SEL1L3: variants seen among roughly 807,000 people sequenced by gnomAD.
SEL1L3 encodes protein sel-1 homolog 3.
In SEL1L3, 76 loss-of-function variants were observed where a neutral mutation model predicts 142.8. The observed-to-expected ratio is 0.53, with a 90% CI of 0.44 to 0.64. SEL1L3 has a LOEUF of 0.64. SEL1L3 is among the 30% of genes least tolerant of loss of function. The pLI is 0.00. For missense variants in SEL1L3, 1,262 were observed against 1,381.7 expected (o/e 0.91, Z 1.37); for synonymous variants, 504 against 519.6 (o/e 0.97, Z 0.41).
chr4:25,789,353 G>A (rs1429867398), intron 12 of SEL1L3, among the ~76,000 whole-genome samples: 1 of 152,108 alleles, frequency 6.6e-6, no homozygotes, highest in Non-Finnish European at 1.5e-5. Flanking sequence ...GCATAAGCAG[G>A]AGAATTGCTT....
intron 20 of SEL1L3, among the ~76,000 whole-genome samples, chr4:25,763,624 G>A (rs1718526332): frequency 6.6e-6 from 1 of 152,180 alleles, no homozygotes. Flanking sequence ...AAGGTGGGCA[G>A]ATCACTTGAG....
chr4:25,772,842 G>C (rs1719325435), intron 17 of SEL1L3, among the ~76,000 whole-genome samples: 1 of 152,004 alleles, frequency 6.6e-6, no homozygotes, highest in African/African-American at 2.4e-5. Flanking sequence ...CTGTTGCCCA[G>C]GCTGGAATGC....
At chr4:25,800,744 A>G (rs1420728537) in intron 11 of SEL1L3, among the ~76,000 whole-genome samples, 1 of 152,234 alleles carries the variant, frequency 6.6e-6, no homozygotes. Context: ...ATACATGTAT[A>G]AATTATAAGG....
downstream of SEL1L3, among the ~76,000 whole-genome samples, chr4:25,743,113 C>G (rs1486763351): frequency 6.6e-6 from 1 of 152,210 alleles, no homozygotes; most frequent in African/African-American, 2.4e-5. Flanking sequence ...AAGGGCAGAC[C>G]TAGTCAGCCT....
chr4:25,765,083 T>G (rs1355803782), intron 20 of SEL1L3, among the ~76,000 whole-genome samples: 1 of 152,078 alleles, frequency 6.6e-6, no homozygotes, highest in African/African-American at 2.4e-5. Flanking sequence ...CAGCCTTGAC[T>G]TGACAGACTC....
rs1160713246 is a variant in SEL1L3, at chr4:25,847,447, A to C, written c.580T>G (p.Leu194Val). ...RDWNVKWEENLLHAVAKNYTL... is the reference protein window; with the variant it reads ...RDWNVKWEENVLHAVAKNYTL... ...TAATTCTTTGCTACAGCATGGAGCA[A>C]GTTTTCCTCCCATTTAACATTCCAG... The change falls in exon 2 of 24, where the codon TTG (leucine) becomes GTG (valine). Residue 194 changes from leucine to valine, a missense_variant. Leu to Val is a conservative substitution (Grantham distance 32). Around this residue, in one of 3 missense-constraint regions of SEL1L3, gnomAD observed 689 missense variants for 692.8 expected, o/e 0.99. Coordinates refer to ENST00000399878, the MANE Select transcript of SEL1L3 (RefSeq NM_015187.5). The C allele has an allele frequency of 1.7e-5, 27 of 1,614,030 alleles. No individual in the cohort carries two copies. Among genetic ancestry groups the C allele is most frequent in the Non-Finnish European group, 2.2e-5 (26 of 1,179,894 alleles).
downstream of SEL1L3, among the ~76,000 whole-genome samples, chr4:25,745,105 C>T (rs80346654): frequency 0.033 from 4,961 of 152,028 alleles, 267 homozygotes; most frequent in African/African-American, 0.11. Flanking sequence ...TATAAGAACA[C>T]GAGGAAAGGC....
chr4:25,723,874 G>A, the SEL1L3 span, among the ~76,000 whole-genome samples: 1 of 152,144 alleles, frequency 6.6e-6, no homozygotes, highest in African/African-American at 2.4e-5. Context: ...ATGCAGGACA[G>A]CTTGACTTAT....
intron 23 of SEL1L3, 56 bp from the exon 24 acceptor site, chr4:25,748,620 G>A: frequency 6.4e-7 from 1 of 1,558,188 alleles, no homozygotes; most frequent in Non-Finnish European, 8.7e-7. Flanking sequence ...CATTCAGAAT[G>A]TACAACCACA....
At chr4:25,841,671 C>CGG (rs2109300433) in intron 2 of SEL1L3, among the ~76,000 whole-genome samples, 1 of 152,228 alleles carries the variant, frequency 6.6e-6, no homozygotes, top group South Asian at 2.1e-4. Context: ...TAAATAACAG[C>CGG]GGGCCAGGCG....
intron 2 of SEL1L3, among the ~76,000 whole-genome samples, chr4:25,844,986 T>C (rs1193304769): frequency 6.7e-6 from 1 of 150,044 alleles, no homozygotes; most frequent in Non-Finnish European, 1.5e-5. Flanking sequence ...AAATGCAGAA[T>C]AAACCAGACA....
Position 25,833,557 on chromosome 4 carries a change from T to A in SEL1L3, c.873A>T (p.Ser291=), listed in dbSNP as rs189110241. 1 of 1,611,388 alleles carries A rather than the reference T, an allele frequency of 6.2e-7. No homozygotes were observed. Among genetic ancestry groups the A allele is most frequent in the Non-Finnish European group, 8.5e-7 (1 of 1,178,834 alleles). Residue 291 remains serine, a synonymous_variant, in exon 4 of 24, where the codon TCA becomes TCT. Transcript: ENST00000399878. ...QRMDYPVFTV[S]LWLYLLHYCK... ...AATAATGGAGTAAATAAAGCCACAA[T>A]GAAACAGTAAACCTATAAGAGTGAG...
chr4:25,737,851 A>G, the SEL1L3 span, among the ~76,000 whole-genome samples: 1 of 152,016 alleles, frequency 6.6e-6, no homozygotes, highest in Admixed American at 6.6e-5. Context: ...CTTAGGAAAT[A>G]ATGATCAAAA....
At chr4:25,714,450 T>C in the SEL1L3 span, among the ~76,000 whole-genome samples, 7 of 152,168 alleles carry the variant, frequency 4.6e-5, no homozygotes, top group Admixed American at 6.5e-5. Context: ...CAGCTACTTA[T>C]GTATATGGAC....
intron 23 of SEL1L3, among the ~76,000 whole-genome samples, chr4:25,752,290 G>A (rs1290409855): frequency 1.4e-5 from 2 of 141,408 alleles, no homozygotes; most frequent in Non-Finnish European, 3.1e-5. Flanking sequence ...GGTGGCAGGT[G>A]CCTGTAGTCC....
Position 25,747,771 on chromosome 4 carries a change from A to T in SEL1L3, c.*654T>A, listed in dbSNP as rs1217339334. 2 of 152,678 alleles carry T rather than the reference A, an allele frequency of 1.3e-5. No homozygotes were observed. Among genetic ancestry groups the T allele is most frequent in the Non-Finnish European group, 2.9e-5 (2 of 68,064 alleles). 9.5% of individuals were successfully genotyped at this position (152,678 alleles called of 1,614,324 possible). ...TCTAAATGTAATTTCATGGATTGCA[A>T]TTGAAATGTAAAAGATATCCGACAA... On this transcript the variant is annotated 3_prime_UTR_variant, in exon 24 of 24. Coordinates refer to ENST00000399878, the MANE Select transcript of SEL1L3 (RefSeq NM_015187.5).
chr4:25,721,531 T>C, the SEL1L3 span, among the ~76,000 whole-genome samples: 1 of 152,182 alleles, frequency 6.6e-6, no homozygotes, highest in African/African-American at 2.4e-5. Flanking sequence ...TGTGTCAGCA[T>C]TGTACGAATG....
intron 11 of SEL1L3, among the ~76,000 whole-genome samples, chr4:25,801,197 G>A (rs1713159637): frequency 6.6e-6 from 1 of 152,234 alleles, no homozygotes; most frequent in South Asian, 2.1e-4. Flanking sequence ...GAGGTCAGGA[G>A]TTCAAGACCA....
chr4:25,805,571 T>A (rs1474369031), intron 9 of SEL1L3, among the ~76,000 whole-genome samples: 2 of 137,580 alleles, frequency 1.5e-5, no homozygotes, highest in African/African-American at 5.0e-5. Flanking sequence ...TTTACACAAC[T>A]GCTTTAAGCT....
Sources: allele counts gnomAD v4.1 joint callset (sites outside exome capture counted in the v4.1 genomes callset), GRCh38; gene constraint gnomAD v4.1.1; regional missense constraint gnomAD v4.1.1; transcripts MANE v1.5; gene names NCBI Gene and HGNC (gene_info 2026-07-23, HGNC 2026-07-21).